SEM1: variants seen among roughly 807,000 people sequenced by gnomAD.
The protein encoded by SEM1 is SEM1 26S proteasome subunit.
Under a neutral mutation model 12.7 loss-of-function variants are expected in SEM1, and 3 were observed. The ratio of observed to expected loss-of-function variants is 0.24; its 90% CI spans 0.11 to 0.61. The LOEUF (loss-of-function observed/expected upper bound fraction) is 0.61. Among genes scored for constraint, SEM1 ranks in the 20% least tolerant of loss-of-function variants. The pLI is 0.88. For missense variants in SEM1, 59 were observed against 81.3 expected, an observed-to-expected ratio of 0.73 and a Z score of 1.06; for synonymous variants, 30 against 27.8, an observed-to-expected ratio of 1.08 and a Z score of -0.25.
chr7:96,669,021 T>C (rs1241847029), downstream of SEM1, among the ~76,000 whole-genome samples: 1 of 152,110 alleles, frequency 6.6e-6, no homozygotes, highest in Non-Finnish European at 1.5e-5. Flanking sequence ...AAGGATTCTT[T>C]CTCACAGGTT....
intron 2 of SEM1, among the ~76,000 whole-genome samples, chr7:96,539,336 A>G (rs902390428): frequency 1.3e-5 from 2 of 151,834 alleles, no homozygotes; most frequent in African/African-American, 4.8e-5. Context: ...TTGAGCTGCT[A>G]TTGGGAGTAA....
chr7:96,482,015 C>T (rs954509383), exon 4 of SEM1: 3 of 152,150 alleles, frequency 2.0e-5, no homozygotes, highest in Non-Finnish European at 4.4e-5. Context: ...AGAAATGACA[C>T]TTTGTTGTAA....
chr7:96,564,532 G>A (rs1459011836), intron 2 of SEM1, among the ~76,000 whole-genome samples: 3 of 152,074 alleles, frequency 2.0e-5, no homozygotes, highest in Non-Finnish European at 4.4e-5. Flanking sequence ...TTAAAAGGAA[G>A]AGCCACGTTC....
chr7:96,577,577 A>G (rs1806247963), intron 2 of SEM1, among the ~76,000 whole-genome samples: 1 of 152,126 alleles, frequency 6.6e-6, no homozygotes, highest in Non-Finnish European at 1.5e-5. Context: ...GAGAATTCAA[A>G]ACCACAAAGA....
At chr7:96,688,120 T>C (rs1389333299), downstream of SEM1, 2 of 152,176 alleles carry the variant, frequency 1.3e-5, no homozygotes, top group Admixed American at 6.6e-5. Context: ...CCCGTACATT[T>C]AAGTCATCAC....
intron 2 of SEM1, among the ~76,000 whole-genome samples, chr7:96,581,127 C>T (rs142176074): frequency 5.3e-5 from 8 of 152,042 alleles, no homozygotes; most frequent in Non-Finnish European, 8.8e-5. Flanking sequence ...GTCTTTAATC[C>T]GTCTTGAATT....
At chr7:96,589,215 G>T (rs970245081) in intron 2 of SEM1, among the ~76,000 whole-genome samples, 1 of 152,096 alleles carries the variant, frequency 6.6e-6, no homozygotes, top group African/African-American at 2.4e-5. Context: ...TTAGGGTGGG[G>T]TGACTCATTC....
intron 2 of SEM1, among the ~76,000 whole-genome samples, chr7:96,544,810 A>G (rs963485071): frequency 9.2e-5 from 14 of 151,980 alleles, no homozygotes; most frequent in African/African-American, 3.4e-4. Context: ...GAGAAAATAT[A>G]TTTACTATTT....
intron 2 of SEM1, among the ~76,000 whole-genome samples, chr7:96,631,943 A>C (rs938177867): frequency 6.6e-6 from 1 of 152,254 alleles, no homozygotes; most frequent in African/African-American, 2.4e-5. Context: ...GCCAACGGAC[A>C]TATGAAAAAA....
intron 1 of SEM1, among the ~76,000 whole-genome samples, chr7:96,493,264 T>A (rs2117230338): frequency 6.6e-6 from 1 of 152,250 alleles, no homozygotes; most frequent in South Asian, 2.1e-4. Flanking sequence ...TAGAATGTTT[T>A]AAAAATATAT....
chr7:96,671,820 A>C (rs1178428798), downstream of SEM1, among the ~76,000 whole-genome samples: 1 of 152,224 alleles, frequency 6.6e-6, no homozygotes, highest in Admixed American at 6.5e-5. Flanking sequence ...ATTTATGGCT[A>C]TTCCTAAATG....
At chr7:96,703,975 ACACACACACACACACACAC>A in intron 1 of SEM1, among the ~76,000 whole-genome samples, 1 of 78,000 alleles carries the variant, frequency 1.3e-5, no homozygotes, top group Non-Finnish European at 2.8e-5. Flanking sequence ...TCTTAAAAAC[ACACACACACACACACACAC>A]ACACACACAC....
chr7:96,513,873 A>G (rs971093400), intron 2 of SEM1, among the ~76,000 whole-genome samples: 2 of 152,060 alleles, frequency 1.3e-5, no homozygotes, highest in Non-Finnish European at 2.9e-5. Context: ...TACCATAGAT[A>G]TTGCTATGTA....
chr7:96,638,336 T>C (rs1808491751), intron 2 of SEM1, among the ~76,000 whole-genome samples: 1 of 152,020 alleles, frequency 6.6e-6, no homozygotes, highest in African/African-American at 2.4e-5. Context: ...TCTCTTATTG[T>C]TGGAGAAACT....
chr7:96,669,137 C>T (rs1789244800), downstream of SEM1, among the ~76,000 whole-genome samples: 2 of 152,146 alleles, frequency 1.3e-5, no homozygotes, highest in Non-Finnish European at 2.9e-5. Context: ...CTTTGAGTCA[C>T]CCAGTCTGTG....
At chr7:96,545,180 C>T (rs569857373) in intron 2 of SEM1, among the ~76,000 whole-genome samples, 1 of 151,980 alleles carries the variant, frequency 6.6e-6, no homozygotes, top group East Asian at 1.9e-4. Context: ...TTGTTATGAT[C>T]CCAAAGAAAA....
Position 96,667,917 on chromosome 7 carries a change from T to C in SEM1, c.170+26881A>G, listed in dbSNP as rs1789213377. 2.0e-5 allele frequency among the ~76,000 whole-genome samples: 3 copies of C among 152,224 alleles called. No homozygotes were observed. In the South Asian group the frequency reaches 6.2e-4, roughly 32 times the overall value. On this transcript the variant is annotated intron_variant, in intron 2 of 2. Coordinates refer to the SEM1 transcript ENST00000417009. ...CACCAATATCGTTCTTTATCTGCCA[T>C]GTCTCTATCACTTTTAGTTTTGAAG...
downstream of SEM1, among the ~76,000 whole-genome samples, chr7:96,620,746 A>G (rs143880109): frequency 6.6e-6 from 1 of 152,160 alleles, no homozygotes; most frequent in African/African-American, 2.4e-5. Flanking sequence ...CTCTCCATGG[A>G]GGGCGCATGT....
intron 2 of SEM1, among the ~76,000 whole-genome samples, chr7:96,547,793 C>T (rs550517661): frequency 6.6e-6 from 1 of 152,152 alleles, no homozygotes; most frequent in Non-Finnish European, 1.5e-5. Flanking sequence ...CCCGGATCTT[C>T]CCTGTACACA....
Sources: allele counts gnomAD v4.1 joint callset (sites outside exome capture counted in the v4.1 genomes callset), GRCh38; gene constraint gnomAD v4.1.1; transcripts MANE v1.5; gene names NCBI Gene and HGNC (gene_info 2026-07-23, HGNC 2026-07-21).